The following LAMA5 variants were observed in gnomAD, a reference collection of about 807,000 sequenced individuals.
LAMA5 encodes laminin subunit alpha 5.
A neutral mutation model predicts 433.4 loss-of-function variants in LAMA5; 260 were observed. The observed-to-expected ratio is 0.60, with a 90% confidence interval of 0.54 to 0.66. LAMA5 has a LOEUF of 0.66. LAMA5 is among the 30% of genes least tolerant of loss of function. The probability of loss-of-function intolerance (pLI) is 0.00; values close to 1 mark genes in which losing one functional copy is unlikely to be tolerated. For missense variants in LAMA5, 5,378 were observed against 5,258.5 expected (o/e 1.02, Z -0.70); for synonymous variants, 2,620 against 2,226.6 (o/e 1.18, Z -4.97).
rs781487815 is a variant in LAMA5, at chr20:62,322,014, C to T, written c.6496+5G>A. The T allele has an allele frequency of 1.4e-4, 228 of 1,597,458 alleles. 1 individual carries two copies. Among genetic ancestry groups the T allele is most frequent in the East Asian group, 2.0e-4 (9 of 44,846 alleles). ...GTGTGGGGAAGTGGGGTGTTGAGGACACACCTTCACAGTGGATGCTGTGGC... is the reference window on the plus strand; with the variant it reads ...GTGTGGGGAAGTGGGGTGTTGAGGATACACCTTCACAGTGGATGCTGTGGC... On this transcript the variant is annotated splice_donor_5th_base_variant and intron_variant, in intron 48 of 79. Coordinates refer to ENST00000252999, the MANE Select transcript of LAMA5 (RefSeq NM_005560.6).
chr20:62,340,206 A>AC (rs1037546493), intron 11 of LAMA5, among the ~76,000 whole-genome samples: 5 of 151,882 alleles, frequency 3.3e-5, no homozygotes, highest in African/African-American at 1.2e-4. Flanking sequence ...AGAGACAAAG[A>AC]CTGGATGGAG....
In LAMA5 at chr20:62,312,009, G is replaced by T; in HGVS notation, c.9546C>A (p.Ser3182Arg). ...CQVSLQQGRV[S>R]LQLLRTEVKT... ...TCACTTCAGTCCTCAGGAGCTGTAG[G>T]CTCACACGGCCCTGCTGCAGGGACA... Residue 3182 changes from serine (S) to arginine (R), a missense_variant, in exon 70 of 80, where the codon AGC (serine) becomes AGA (arginine). Ser to Arg is a moderately radical substitution (Grantham distance 110, BLOSUM62 -1). Coordinates refer to ENST00000252999, the MANE Select transcript of LAMA5 (RefSeq NM_005560.6). 6.2e-7 allele frequency: 1 copy of T among 1,612,676 alleles called. No individual in the cohort carries two copies. The highest frequency in any genetic ancestry group is 1.1e-5 in the South Asian group (1 of 91,090).
At chr20:62,320,275 G>A (rs1407346237) in intron 50 of LAMA5, among the ~76,000 whole-genome samples, 1 of 124,842 alleles carries the variant, frequency 8.0e-6, no homozygotes, top group Non-Finnish European at 1.6e-5. Context: ...CCGAGATCGA[G>A]CCATTGCACT....
intron 57 of LAMA5, chr20:62,316,262 A>G (rs1986919679): frequency 1.7e-6 from 1 of 594,494 alleles, no homozygotes; most frequent in African/African-American, 1.9e-5. Flanking sequence ...CTCTGGTCCC[A>G]CTGCAGGCAT....
At position 62,312,704 on chromosome 20, in the gene LAMA5, T is replaced by C; in HGVS notation, c.9155A>G (p.Glu3052Gly). Reference sequence around the variant, plus strand: ...GGCCAGCTCCAGATCATTGTCCTGCTCCACGCTGTACACCGTGGCCCGCTC... The same window carrying C: ...GGCCAGCTCCAGATCATTGTCCTGCCCCACGCTGTACACCGTGGCCCGCTC... Reference protein sequence around the residue: ...RVERATVYSVEQDNDLELADA... With the variant: ...RVERATVYSVGQDNDLELADA... Residue 3052 changes from glutamate to glycine, a missense_variant, in exon 67 of 80, where the codon GAG (glutamate) becomes GGG (glycine). Physicochemically the swap from Glu to Gly is moderately conservative, Grantham distance 98. Transcript: ENST00000252999. 6.2e-7 allele frequency: 1 copy of C among 1,605,376 alleles called. No individual in the cohort carries two copies. Among genetic ancestry groups the C allele is most frequent in the Non-Finnish European group, 8.5e-7 (1 of 1,176,904 alleles).
intron 18 of LAMA5, among the ~76,000 whole-genome samples, chr20:62,335,500 C>T (rs1477176516): frequency 6.7e-6 from 1 of 150,036 alleles, no homozygotes; most frequent in Non-Finnish European, 1.5e-5. Context: ...AGGCTCCAGC[C>T]CCCCAAGGAA....
chr20:62,309,863 A>G (rs1986016038), intron 78 of LAMA5, 28 bp from the exon 79 acceptor site: 1 of 1,610,154 alleles, frequency 6.2e-7, no homozygotes. Flanking sequence ...TCCTGAGGCC[A>G]GGTGGTCCTC....
chr20:62,331,152 C>T (rs760928895), intron 28 of LAMA5, 23 bp from the exon 29 acceptor site: 2 of 1,473,280 alleles, frequency 1.4e-6, no homozygotes, highest in South Asian at 2.6e-5. Flanking sequence ...GGACGAGATG[C>T]TGCAACGCCC....
At chr20:62,366,839 G>A (rs1309532565) in intron 1 of LAMA5, 110 bp downstream of exon 1, 1 of 1,222,168 alleles carries the variant, frequency 8.2e-7, no homozygotes. Flanking sequence ...CGGAACCAGA[G>A]AGTCCGCACC....
chr20:62,332,720 G>T lies in LAMA5; in HGVS notation c.3283-3C>A. Reference sequence around the variant, plus strand: ...GCCACTTGAAGCTGGACGTCCACCTGCAGGGAAGGCAGGGTGACGGGAGGC... The same window carrying T: ...GCCACTTGAAGCTGGACGTCCACCTTCAGGGAAGGCAGGGTGACGGGAGGC... On this transcript the variant is annotated splice_polypyrimidine_tract_variant and splice_region_variant and intron_variant, in intron 26 of 79. Transcript: ENST00000252999. 1.2e-6 allele frequency: 2 copies of T among 1,609,268 alleles called. No individual in the cohort carries two copies. Among genetic ancestry groups the T allele is most frequent in the Non-Finnish European group, 1.7e-6 (2 of 1,178,576 alleles).
intron 28 of LAMA5, 77 bp from the exon 29 acceptor site, chr20:62,331,206 G>T: frequency 2.6e-6 from 1 of 379,628 alleles, no homozygotes; most frequent in South Asian, 3.6e-5. Context: ...CGATGGGGGG[G>T]TGCAGGCGGT....
At chr20:62,365,638 C>T (rs868483486) in intron 1 of LAMA5, among the ~76,000 whole-genome samples, 3 of 152,082 alleles carry the variant, frequency 2.0e-5, no homozygotes, top group Non-Finnish European at 2.9e-5. Context: ...ACAGGCCCTC[C>T]GTCCTGAGAC....
At chr20:62,335,367 C>G (rs921800101) in intron 18 of LAMA5, 98 bp from the exon 19 acceptor site, 1 of 1,247,578 alleles carries the variant, frequency 8.0e-7, no homozygotes, top group Non-Finnish European at 1.1e-6. Context: ...CCCTCCAGGG[C>G]ACACTCACAG....
chr20:62,358,327 G>A (rs898289746), intron 2 of LAMA5, among the ~76,000 whole-genome samples: 3 of 152,102 alleles, frequency 2.0e-5, no homozygotes, highest in African/African-American at 7.2e-5. Context: ...GACCCCCGCC[G>A]TACCCCCCAG....
intron 2 of LAMA5, among the ~76,000 whole-genome samples, chr20:62,355,722 A>T (rs1232754301): frequency 1.3e-5 from 2 of 151,822 alleles, no homozygotes; most frequent in Admixed American, 6.5e-5. Context: ...CAGACCCTAT[A>T]CCCAGCCCCA....
chr20:62,325,088 G>GGGCA (rs1331091251), intron 41 of LAMA5: 16 of 285,638 alleles, frequency 5.6e-5, no homozygotes, highest in African/African-American at 2.6e-4. Flanking sequence ...GTGCATGGAG[G>GGGCA]GGCAGGCGGA....
At position 62,312,869 on chromosome 20, in the gene LAMA5, G is replaced by C. The variant is rs1732958030; in HGVS notation, c.9078+19C>G. The C allele has an allele frequency of 6.3e-7, 1 of 1,598,772 alleles. No homozygotes were observed. The highest frequency in any genetic ancestry group is 1.1e-5 in the South Asian group (1 of 89,686). On this transcript the variant is annotated intron_variant, in intron 66 of 79. Coordinates refer to ENST00000252999, the MANE Select transcript of LAMA5 (RefSeq NM_005560.6). ...TCCATCTCCTCTCCCTGCCACCCTG[G>C]TCCCCACCCTGGCCCTACCGCCTTG... is the stretch of plus-strand genomic sequence containing the variant.
Position 62,326,755 on chromosome 20 carries a change from G to A in LAMA5, c.5220C>T (p.Asn1740=). 1 of 1,613,024 alleles carries A rather than the reference G, an allele frequency of 6.2e-7. No individual in the cohort carries two copies. The highest frequency in any genetic ancestry group is 8.5e-7 in the Non-Finnish European group (1 of 1,179,888). ...ESRPDVVLQG[N]QMSITFLEPA... Reference sequence around the variant, plus strand: ...GCTCCAGGAATGTGATGCTCATCTGGTTGCCCTGGGAAGGCACATGGGGAG... The same window carrying A: ...GCTCCAGGAATGTGATGCTCATCTGATTGCCCTGGGAAGGCACATGGGGAG... Residue 1740 remains asparagine (N), a synonymous_variant, in exon 40 of 80, where the codon AAC becomes AAT. Transcript: ENST00000252999.
At chr20:62,355,860 GGCTGTTCTCGGGGA>G (rs972473551) in intron 2 of LAMA5, among the ~76,000 whole-genome samples, 45 of 152,298 alleles carry the variant, frequency 3.0e-4, no homozygotes, top group African/African-American at 1.1e-3. Flanking sequence ...CAGGGACACA[GGCTGTTCTCGGGGA>G]GCTGGCAACA....
Sources: allele counts gnomAD v4.1 joint callset (sites outside exome capture counted in the v4.1 genomes callset), GRCh38; gene constraint gnomAD v4.1.1; transcripts MANE v1.5; gene names NCBI Gene and HGNC (gene_info 2026-07-23, HGNC 2026-07-21).